Variants in FAM13A observed in about 807,000 individuals in gnomAD.
FAM13A encodes family with sequence similarity 13 member A.
Under a neutral mutation model 129.6 loss-of-function variants are expected in FAM13A, and 76 were observed. The ratio of observed to expected loss-of-function variants is 0.59; its 90% CI spans 0.49 to 0.71. The LOEUF is 0.71. Among genes scored for constraint, FAM13A ranks in the 30% least tolerant of loss-of-function variants. The pLI, the probability that FAM13A is intolerant of heterozygous loss-of-function variation, is 0.00. For synonymous variants in FAM13A, 443 were observed against 449.9 expected (o/e 0.98, Z 0.20); for missense variants, 1,108 against 1,249.3 (o/e 0.89, Z 1.70).
intron 21 of FAM13A, among the ~76,000 whole-genome samples, chr4:88,732,746 TAAG>T (rs1456205910): frequency 6.6e-6 from 1 of 152,014 alleles, no homozygotes; most frequent in Non-Finnish European, 1.5e-5. Flanking sequence ...AGGGAAATTT[TAAG>T]AAGACTGAAA....
intron 4 of FAM13A, among the ~76,000 whole-genome samples, chr4:88,941,592 G>A (rs1754764669): frequency 6.6e-6 from 1 of 152,182 alleles, no homozygotes; most frequent in Non-Finnish European, 1.5e-5. Flanking sequence ...ATGGTGACCA[G>A]TGAAGGGACC....
chr4:88,811,366 T>C (rs1729631840), intron 7 of FAM13A, among the ~76,000 whole-genome samples: 2 of 152,172 alleles, frequency 1.3e-5, no homozygotes. Context: ...ATGGCCTCCA[T>C]GGCTCTTCCT....
intron 6 of FAM13A, among the ~76,000 whole-genome samples, chr4:88,851,425 G>A (rs974162640): frequency 1.3e-5 from 2 of 151,746 alleles, no homozygotes; most frequent in South Asian, 2.1e-4. Flanking sequence ...ATACCCTACC[G>A]AGAACATTTC....
intron 3 of FAM13A, among the ~76,000 whole-genome samples, chr4:89,007,780 C>T (rs1197506720): frequency 6.6e-6 from 1 of 152,210 alleles, no homozygotes; most frequent in African/African-American, 2.4e-5. Flanking sequence ...AAGGCACATG[C>T]TATAAGCACT....
chr4:88,947,444 G>A (rs1446510226), intron 4 of FAM13A, among the ~76,000 whole-genome samples: 2 of 151,866 alleles, frequency 1.3e-5, no homozygotes, highest in African/African-American at 4.8e-5. Context: ...AAATGAAGTC[G>A]CCCATGCTAA....
chr4:88,903,551 A>C (rs1238301986), intron 6 of FAM13A, among the ~76,000 whole-genome samples: 1 of 152,218 alleles, frequency 6.6e-6, no homozygotes, highest in African/African-American at 2.4e-5. Flanking sequence ...AGAACAGGCT[A>C]GCCATATGCC....
chr4:88,732,066 C>A lies in FAM13A; in HGVS notation c.2779G>T (p.Asp927Tyr). The A allele has an allele frequency of 6.2e-7, 1 of 1,614,024 alleles. No individual in the cohort carries two copies. The highest frequency in any genetic ancestry group is 8.5e-7 in the Non-Finnish European group (1 of 1,179,928). The change falls in exon 22 of 24, where the codon GAT becomes TAT. Residue 927 changes from aspartate (D) to tyrosine (Y), a missense_variant. Physicochemically the swap from Asp to Tyr is radical, Grantham distance 160. This residue lies in a region of FAM13A where 529 missense variants were observed against 621.2 expected (regional missense o/e 0.85). Transcript: ENST00000264344. Reference sequence around the variant, plus strand: ...CTGCATTTTGATGGTATTTTATCATCCATTGGGGAAATAAATCCATCAGCG... The same window carrying A: ...CTGCATTTTGATGGTATTTTATCATACATTGGGGAAATAAATCCATCAGCG... Reference protein sequence around the residue: ...DDADGFISPMDDKIPSKCSQD... With the variant: ...DDADGFISPMYDKIPSKCSQD...
At chr4:88,945,801 A>ATATATATATTATATATATATATAAG (rs1272355996) in intron 4 of FAM13A, among the ~76,000 whole-genome samples, 2 of 142,912 alleles carry the variant, frequency 1.4e-5, no homozygotes, top group African/African-American at 5.2e-5. Flanking sequence ...ATATATAAGT[A>ATATATATATTATATATATATATAAG]TATATATATT....
In FAM13A at chr4:88,933,741, T is replaced by C. The variant is rs577065394; in HGVS notation, c.759+4347A>G. Among the ~76,000 whole-genome samples the C allele has an allele frequency of 7.2e-5, 11 of 152,274 alleles. No individual in the cohort carries two copies. The East Asian group carries it at 1.4e-3, about 19-fold the overall frequency. ...ACCATCATCCATGCCCAATTTACCATTGTTTTTACCTGGACTACTGTAATA... is the reference window on the plus strand; with the variant it reads ...ACCATCATCCATGCCCAATTTACCACTGTTTTTACCTGGACTACTGTAATA... On this transcript the variant is annotated intron_variant, in intron 5 of 23. Coordinates refer to ENST00000264344, the MANE Select transcript of FAM13A (RefSeq NM_014883.4).
At chr4:89,045,664 A>G (rs919123928) in intron 1 of FAM13A, among the ~76,000 whole-genome samples, 3 of 152,220 alleles carry the variant, frequency 2.0e-5, no homozygotes, top group Non-Finnish European at 2.9e-5. Context: ...GTGGCCTCAA[A>G]TTTATAGATT....
At chr4:88,909,535 G>T (rs1463742070) in intron 5 of FAM13A, among the ~76,000 whole-genome samples, 2 of 151,684 alleles carry the variant, frequency 1.3e-5, no homozygotes, top group Non-Finnish European at 2.9e-5. Context: ...TTGCCAGGCT[G>T]GAGTGCAGTG....
intron 23 of FAM13A, 34 bp from the exon 24 acceptor site, chr4:88,728,693 T>C (rs756447316): frequency 2.5e-6 from 4 of 1,612,562 alleles, no homozygotes; most frequent in Non-Finnish European, 1.7e-6. Context: ...GGTCTGAGGA[T>C]CATTTTCTGT....
At chr4:88,948,709 G>A (rs959473134) in intron 4 of FAM13A, among the ~76,000 whole-genome samples, 20 of 152,008 alleles carry the variant, frequency 1.3e-4, no homozygotes, top group Non-Finnish European at 2.2e-4. Context: ...GGCTGGTCTC[G>A]AACTCCCGAC....
chr4:88,775,407 A>G (rs1201949002), intron 11 of FAM13A, among the ~76,000 whole-genome samples: 9 of 152,210 alleles, frequency 5.9e-5, no homozygotes, highest in Non-Finnish European at 8.8e-5. Context: ...ATGTATAAAT[A>G]TGAAAAGAAG....
At chr4:89,028,171 A>C (rs1391616771) in intron 2 of FAM13A, among the ~76,000 whole-genome samples, 1 of 150,242 alleles carries the variant, frequency 6.7e-6, no homozygotes, top group Non-Finnish European at 1.5e-5. Flanking sequence ...ACGCCATTGC[A>C]CTACAGCCTG....
At chr4:88,748,162 G>C (rs550770820) in intron 17 of FAM13A, among the ~76,000 whole-genome samples, 1 of 152,306 alleles carries the variant, frequency 6.6e-6, no homozygotes, top group Non-Finnish European at 1.5e-5. Flanking sequence ...AAAGTGCTGG[G>C]ATTACAGGCG....
intron 7 of FAM13A, among the ~76,000 whole-genome samples, chr4:88,845,596 TAAAA>T (rs1230741960): frequency 6.6e-6 from 1 of 151,840 alleles, no homozygotes; most frequent in African/African-American, 2.4e-5. Context: ...TATAATGAAT[TAAAA>T]AAAATTGAAA....
intron 3 of FAM13A, among the ~76,000 whole-genome samples, chr4:89,003,094 G>A (rs1156522628): frequency 2.0e-5 from 3 of 151,798 alleles, no homozygotes; most frequent in Non-Finnish European, 4.4e-5. Context: ...ATAATGGGTA[G>A]AAAAAAGACT....
At chr4:89,054,858 G>A (rs1011519627) in intron 1 of FAM13A, among the ~76,000 whole-genome samples, 1 of 151,952 alleles carries the variant, frequency 6.6e-6, no homozygotes, top group African/African-American at 2.4e-5. Flanking sequence ...CCTCACCATA[G>A]CTCAGGGAAA....
Sources: gnomAD v4.1 joint callset for allele counts (sites outside exome capture counted in the v4.1 genomes callset) on GRCh38, gnomAD v4.1.1 for gene constraint, gnomAD v4.1.1 regional missense constraint, MANE v1.5 for transcripts, NCBI Gene and HGNC (gene_info 2026-07-23, HGNC 2026-07-21) for gene names.